OSBPL1A: variants seen among roughly 807,000 people sequenced by gnomAD.
OSBPL1A encodes oxysterol-binding protein-related protein 1.
In OSBPL1A, 80 loss-of-function variants were observed where a neutral mutation model predicts 137.1. The ratio of observed to expected loss-of-function variants is 0.58; its 90% CI spans 0.49 to 0.70. OSBPL1A has a LOEUF of 0.70. OSBPL1A is among the 30% of genes least tolerant of loss of function. The pLI is 0.00. For missense variants in OSBPL1A, 970 were observed against 1,129.4 expected, an observed-to-expected ratio of 0.86 and a Z score of 2.02; for synonymous variants, 365 against 389.7, an observed-to-expected ratio of 0.94 and a Z score of 0.75.
At chr18:24,172,334 A>G in intron 22 of OSBPL1A, 42 bp downstream of exon 22, 1 of 1,442,064 alleles carries the variant, frequency 6.9e-7, no homozygotes, top group Non-Finnish European at 9.7e-7. Context: ...AAACTGCTTG[A>G]TGAAAACTGA....
At chr18:24,270,879 G>T (rs1483981710) in intron 15 of OSBPL1A, among the ~76,000 whole-genome samples, 2 of 152,014 alleles carry the variant, frequency 1.3e-5, no homozygotes, top group African/African-American at 4.8e-5. Flanking sequence ...ACTTTTAATA[G>T]CCTTAATAAC....
At chr18:24,298,507 G>A (rs531085771) in intron 14 of OSBPL1A, among the ~76,000 whole-genome samples, 32 of 152,232 alleles carry the variant, frequency 2.1e-4, no homozygotes, top group African/African-American at 7.5e-4. Context: ...CACCACGCCC[G>A]GCTAATTTTT....
intron 15 of OSBPL1A, among the ~76,000 whole-genome samples, chr18:24,265,866 T>C (rs555342338): frequency 1.1e-4 from 17 of 152,348 alleles, no homozygotes; most frequent in African/African-American, 3.6e-4. Context: ...CTTCTTGTTA[T>C]TCCCATCACC....
chr18:24,390,226 A>G (rs535196264), intron 1 of OSBPL1A, among the ~76,000 whole-genome samples: 3 of 152,330 alleles, frequency 2.0e-5, no homozygotes, highest in Non-Finnish European at 2.9e-5. Context: ...AATTAAACAC[A>G]TAATTACCTA....
At chr18:24,316,409 A>G (rs1376569434) in intron 11 of OSBPL1A, among the ~76,000 whole-genome samples, 1 of 152,212 alleles carries the variant, frequency 6.6e-6, no homozygotes, top group African/African-American at 2.4e-5. Context: ...AACATACGCT[A>G]TCTCCAAGAG....
chr18:24,366,759 C>T, intron 4 of OSBPL1A, 133 bp downstream of exon 4: 1 of 763,004 alleles, frequency 1.3e-6, no homozygotes, highest in Non-Finnish European at 2.0e-6. Flanking sequence ...CCTTTTGACC[C>T]AAAGTGCTGG....
At chr18:24,189,127 T>C (rs12607255) in intron 18 of OSBPL1A, among the ~76,000 whole-genome samples, 28,368 of 152,158 alleles carry the variant, frequency 0.19, 3,240 homozygotes, top group East Asian at 0.45. Context: ...CAACCTATGA[T>C]GAAACTGCAG....
At chr18:24,199,969 G>A (rs900387071) in intron 17 of OSBPL1A, among the ~76,000 whole-genome samples, 1 of 152,064 alleles carries the variant, frequency 6.6e-6, no homozygotes, top group African/African-American at 2.4e-5. Context: ...TACAATGAGA[G>A]CTTCATGTAT....
chr18:24,227,186 C>A lies in OSBPL1A; in HGVS notation c.1445-1988G>T, dbSNP rs148258888. ...GGGATTACAGGCATGAGCCACTGCG[C>A]CTGGCCAGAAACGGACATTTTAATA... On this transcript the variant is annotated intron_variant, in intron 16 of 27. Coordinates refer to ENST00000319481, the MANE Select transcript of OSBPL1A (RefSeq NM_080597.4). Among the ~76,000 whole-genome samples, 179 of 152,184 alleles carry A rather than the reference C, an allele frequency of 1.2e-3. 1 individual carries two copies. Among genetic ancestry groups the A allele is most frequent in the African/African-American group, 4.0e-3 (168 of 41,492 alleles).
chr18:24,223,414 C>T (rs924454199), intron 17 of OSBPL1A, among the ~76,000 whole-genome samples: 4 of 152,116 alleles, frequency 2.6e-5, no homozygotes, highest in Middle Eastern at 3.4e-3. Context: ...CCTAAGTTTT[C>T]CTCTTTCACT....
At chr18:24,241,077 A>C (rs1599549407) in intron 15 of OSBPL1A, among the ~76,000 whole-genome samples, 1 of 152,248 alleles carries the variant, frequency 6.6e-6, no homozygotes, top group South Asian at 2.1e-4. Context: ...AGCCATATGC[A>C]GAAAACTGAA....
intron 5 of OSBPL1A, among the ~76,000 whole-genome samples, chr18:24,336,156 ATCTG>A (rs1032093566): frequency 1.1e-3 from 174 of 152,290 alleles, no homozygotes; most frequent in African/African-American, 4.1e-3. Flanking sequence ...ACTTGTTCTT[ATCTG>A]TCTGTGTAAC....
In OSBPL1A at chr18:24,324,455, TAAAAAAAAAAA is replaced by T. The variant is rs145135815; in HGVS notation, c.626-5657_626-5647del. On this transcript the variant is annotated intron_variant, in intron 7 of 27. Coordinates refer to ENST00000319481, the MANE Select transcript of OSBPL1A (RefSeq NM_080597.4). ...CTCTCAATAAATTTTCTGAAAAAGT[TAAAAAAAAAAA>T]AAAAAAAAAAAAAAAAATTATATCA... Among the ~76,000 whole-genome samples, 5 of 12,976 alleles carry T rather than the reference TAAAAAAAAAAA, an allele frequency of 3.9e-4. 2 individuals are homozygous for T. Among genetic ancestry groups the T allele is most frequent in the African/African-American group, 2.2e-3 (4 of 1,838 alleles). The allele number at this position is 12,976 out of a possible 152,430, so 8.5% of individuals were successfully genotyped here.
At chr18:24,224,030 C>G (rs566704462) in intron 17 of OSBPL1A, among the ~76,000 whole-genome samples, 1 of 152,142 alleles carries the variant, frequency 6.6e-6, no homozygotes, top group Admixed American at 6.5e-5. Context: ...CTGCTGGACA[C>G]ATAATTTGCA....
Position 24,225,251 on chromosome 18 carries a change from C to A in OSBPL1A, c.1445-53G>T, listed in dbSNP as rs956767502. The A allele has an allele frequency of 3.1e-6, 5 of 1,592,762 alleles. No individual in the cohort carries two copies. The Middle Eastern group carries it at 6.8e-4, about 217-fold the overall frequency. On this transcript the variant is annotated intron_variant, in intron 16 of 27. Coordinates refer to ENST00000319481, the MANE Select transcript of OSBPL1A (RefSeq NM_080597.4). ...GAATTGAACTTGGGTGTGAGGCTTC[C>A]GTAACAATGGATCCCTCCCTTCATG... is the stretch of plus-strand genomic sequence containing the variant.
chr18:24,370,481 C>T (rs1278689345), intron 2 of OSBPL1A, among the ~76,000 whole-genome samples: 1 of 152,110 alleles, frequency 6.6e-6, no homozygotes, highest in Non-Finnish European at 1.5e-5. Context: ...TCTCAGCTTC[C>T]CTCATTTCTC....
At chr18:24,211,615 C>G (rs1196170693) in intron 17 of OSBPL1A, among the ~76,000 whole-genome samples, 1 of 151,626 alleles carries the variant, frequency 6.6e-6, no homozygotes, top group Non-Finnish European at 1.5e-5. Context: ...AGCAGAAGGA[C>G]TTTCCTTTTT....
chr18:24,325,560 A>T (rs527337961), intron 7 of OSBPL1A, among the ~76,000 whole-genome samples: 3 of 152,144 alleles, frequency 2.0e-5, no homozygotes, highest in Non-Finnish European at 4.4e-5. Flanking sequence ...CCCTTCTAAG[A>T]TACCCCCCAT....
chr18:24,267,948 AGAAAT>A (rs1405463348), intron 15 of OSBPL1A, among the ~76,000 whole-genome samples: 1 of 152,134 alleles, frequency 6.6e-6, no homozygotes, highest in African/African-American at 2.4e-5. Context: ...AATTACAAAA[AGAAAT>A]GAAATGTGTA....
Sources: gnomAD v4.1 joint callset for allele counts (sites outside exome capture counted in the v4.1 genomes callset) on GRCh38, gnomAD v4.1.1 for gene constraint, MANE v1.5 for transcripts, NCBI Gene and HGNC (gene_info 2026-07-23, HGNC 2026-07-21) for gene names.